KCNQ3: variants seen among roughly 807,000 people sequenced by gnomAD.
KCNQ3 encodes the protein potassium voltage-gated channel subfamily Q member 3.
Under a neutral mutation model 92.5 loss-of-function variants are expected in KCNQ3, and 30 were observed. That is an observed-to-expected ratio of 0.32 (90% confidence interval 0.24 to 0.44). The LOEUF (loss-of-function observed/expected upper bound fraction) is 0.44. KCNQ3 is among the 20% of genes least tolerant of loss of function. KCNQ3 has a pLI of 1.00. For missense variants in KCNQ3, 913 were observed against 1,140.3 expected, an observed-to-expected ratio of 0.80 and a Z score of 2.87; for synonymous variants, 450 against 468.8, an observed-to-expected ratio of 0.96 and a Z score of 0.52.
chr8:132,315,677 G>T (rs1453910972), intron 1 of KCNQ3, among the ~76,000 whole-genome samples: 2 of 152,182 alleles, frequency 1.3e-5, no homozygotes, highest in South Asian at 4.2e-4. Flanking sequence ...CCCAGTTTCT[G>T]TTTGTTTTTC....
rs577604745 is a variant in KCNQ3, at chr8:132,328,646, A to C, written c.387-142465T>G. ...AGAGAGTTAATATATCCAAATCTAC[A>C]ATGAGTATATAGAACAGTGCCTAGT... On this transcript the variant is annotated intron_variant, in intron 1 of 14. Transcript: ENST00000388996. 3.8e-4 allele frequency among the ~76,000 whole-genome samples: 58 copies of C among 152,328 alleles called. 1 individual carries two copies. In the South Asian group the frequency reaches 0.012, roughly 32 times the overall value.
intron 3 of KCNQ3, among the ~76,000 whole-genome samples, chr8:132,181,412 A>G (rs1417862971): frequency 6.6e-6 from 1 of 152,198 alleles, no homozygotes; most frequent in East Asian, 1.9e-4. Flanking sequence ...TTTTATTGAA[A>G]CATAATAATT....
intron 1 of KCNQ3, among the ~76,000 whole-genome samples, chr8:132,418,379 C>T (rs879396297): frequency 9.9e-5 from 15 of 152,030 alleles, no homozygotes; most frequent in African/African-American, 1.4e-4. Context: ...AAAAAGCAGG[C>T]GAGGGAGGGA....
intron 1 of KCNQ3, among the ~76,000 whole-genome samples, chr8:132,200,851 G>GC (rs1827437492): frequency 6.6e-6 from 1 of 152,070 alleles, no homozygotes; most frequent in African/African-American, 2.4e-5. Flanking sequence ...CACTGTTGCT[G>GC]CCCCAGGTGC....
Position 132,413,128 on chromosome 8 carries a change from C to G in KCNQ3, c.386+67019G>C, listed in dbSNP as rs548449747. Among the ~76,000 whole-genome samples the G allele has an allele frequency of 2.0e-5, 3 of 152,316 alleles. No individual in the cohort carries two copies. The East Asian group carries it at 5.8e-4, about 29-fold the overall frequency. On this transcript the variant is annotated intron_variant, in intron 1 of 14. Coordinates refer to ENST00000388996, the MANE Select transcript of KCNQ3 (RefSeq NM_004519.4). ...ATTTCCAAGTTTCCTTTCTTCAACC[C>G]AATCTATATCATGCAACCAAAGTGT...
chr8:132,310,716 A>G (rs1350056416), intron 1 of KCNQ3, among the ~76,000 whole-genome samples: 1 of 152,198 alleles, frequency 6.6e-6, no homozygotes, highest in Non-Finnish European at 1.5e-5. Context: ...CACCCCTAGA[A>G]CATCTGGAAT....
chr8:132,202,699 C>T (rs1682895359), intron 1 of KCNQ3, among the ~76,000 whole-genome samples: 1 of 152,186 alleles, frequency 6.6e-6, no homozygotes, highest in African/African-American at 2.4e-5. Flanking sequence ...CCTTGTTCCT[C>T]ATTTTCACAT....
chr8:132,474,089 T>C (rs1326184775), intron 1 of KCNQ3, among the ~76,000 whole-genome samples: 1 of 152,086 alleles, frequency 6.6e-6, no homozygotes, highest in Non-Finnish European at 1.5e-5. Flanking sequence ...CAGTGCCAAA[T>C]GAGATGAATG....
chr8:132,310,468 G>T (rs1174514289), intron 1 of KCNQ3, among the ~76,000 whole-genome samples: 1 of 152,192 alleles, frequency 6.6e-6, no homozygotes, highest in Non-Finnish European at 1.5e-5. Flanking sequence ...GGAGGACCTG[G>T]GCAAGGGTAA....
At chr8:132,431,532 C>A (rs114477927) in intron 1 of KCNQ3, among the ~76,000 whole-genome samples, 2,699 of 152,264 alleles carry the variant, frequency 0.018, 78 homozygotes, top group African/African-American at 0.061. Flanking sequence ...GGAGTCTATC[C>A]AGAAAGGCAG....
chr8:132,187,967 CA>C (rs1194541707), intron 1 of KCNQ3, among the ~76,000 whole-genome samples: 6 of 136,460 alleles, frequency 4.4e-5, no homozygotes, highest in Admixed American at 4.1e-4. Flanking sequence ...ATGATGGTAA[CA>C]ACATCAGTAA....
intron 1 of KCNQ3, among the ~76,000 whole-genome samples, chr8:132,247,327 T>C (rs1246833081): frequency 6.6e-6 from 1 of 152,168 alleles, no homozygotes; most frequent in Non-Finnish European, 1.5e-5. Flanking sequence ...CAAGAGAAAA[T>C]GAAGTTCAAA....
chr8:132,327,849 G>A (rs1361584068), intron 1 of KCNQ3, among the ~76,000 whole-genome samples: 1 of 152,138 alleles, frequency 6.6e-6, no homozygotes, highest in Non-Finnish European at 1.5e-5. Flanking sequence ...AGCCCCCCAT[G>A]GTGTGGGAAG....
At chr8:132,352,149 T>G (rs1216456720) in intron 1 of KCNQ3, among the ~76,000 whole-genome samples, 2 of 152,144 alleles carry the variant, frequency 1.3e-5, no homozygotes, top group Non-Finnish European at 2.9e-5. Flanking sequence ...TCAGAGAGAT[T>G]ATGTAACTTA....
chr8:132,236,680 A>C (rs963643606), intron 1 of KCNQ3, among the ~76,000 whole-genome samples: 1 of 152,172 alleles, frequency 6.6e-6, no homozygotes, highest in Non-Finnish European at 1.5e-5. Flanking sequence ...ATTTCACTCC[A>C]GTGACTGTGT....
chr8:132,351,819 C>A (rs1161670893), intron 1 of KCNQ3, among the ~76,000 whole-genome samples: 1 of 152,192 alleles, frequency 6.6e-6, no homozygotes, highest in African/African-American at 2.4e-5. Context: ...AGGGATAAGA[C>A]AATCACTTTG....
intron 12 of KCNQ3, among the ~76,000 whole-genome samples, chr8:132,136,143 A>AAAAG (rs1479617913): frequency 8.7e-5 from 13 of 149,756 alleles, no homozygotes; most frequent in Non-Finnish European, 1.9e-4. Context: ...AAAAAAAAAA[A>AAAAG]AAAGAAAAGA....
chr8:132,305,774 G>GA (rs1333367630), intron 1 of KCNQ3, among the ~76,000 whole-genome samples: 1 of 152,100 alleles, frequency 6.6e-6, no homozygotes, highest in African/African-American at 2.4e-5. Context: ...AATAGAGTTT[G>GA]AAATTGCTAG....
chr8:132,396,335 G>A (rs1820193468), intron 1 of KCNQ3, among the ~76,000 whole-genome samples: 1 of 148,704 alleles, frequency 6.7e-6, no homozygotes, highest in African/African-American at 2.5e-5. Flanking sequence ...TGCAGAAGCA[G>A]AATTTACATG....
Sources: allele counts gnomAD v4.1 joint callset (sites outside exome capture counted in the v4.1 genomes callset), GRCh38; gene constraint gnomAD v4.1.1; transcripts MANE v1.5; gene names NCBI Gene and HGNC (gene_info 2026-07-23, HGNC 2026-07-21).